WDR35: variants seen among roughly 807,000 people sequenced by gnomAD.
WDR35 encodes the protein WD repeat-containing protein 35.
In WDR35, 118 loss-of-function variants were observed where a neutral mutation model predicts 158.3. The observed-to-expected ratio is 0.75, with a 90% confidence interval of 0.64 to 0.87. The LOEUF (loss-of-function observed/expected upper bound fraction) is 0.87. Among genes scored for constraint, WDR35 ranks in the 40% least tolerant of loss-of-function variants. The pLI is 0.00. For missense variants in WDR35, 1,263 were observed against 1,405.8 expected (o/e 0.90, Z 1.62); for synonymous variants, 448 against 476.1 (o/e 0.94, Z 0.77).
intron 25 of WDR35, among the ~76,000 whole-genome samples, chr2:19,928,387 C>A (rs1034766635): frequency 1.3e-5 from 2 of 152,180 alleles, no homozygotes; most frequent in Non-Finnish European, 2.9e-5. Context: ...CTGTTCGGGG[C>A]TCTCAGCTCT....
At chr2:19,919,416 G>GA (rs1057503435) in intron 25 of WDR35, among the ~76,000 whole-genome samples, 35 of 136,496 alleles carry the variant, frequency 2.6e-4, no homozygotes, top group Non-Finnish European at 5.3e-4. Flanking sequence ...AAAAGAAAAA[G>GA]AAAAAAAAAG....
At chr2:19,970,668 T>A (rs1465377926) in intron 8 of WDR35, among the ~76,000 whole-genome samples, 1 of 152,216 alleles carries the variant, frequency 6.6e-6, no homozygotes, top group Non-Finnish European at 1.5e-5. Context: ...TGGCTTAATA[T>A]CCCACTATTT....
At chr2:19,935,820 C>T (rs958615775) in intron 20 of WDR35, among the ~76,000 whole-genome samples, 16 of 151,934 alleles carry the variant, frequency 1.1e-4, no homozygotes, top group African/African-American at 1.9e-4. Flanking sequence ...GAAATACCAC[C>T]GCTTTACTCC....
Position 19,952,346 on chromosome 2 carries a change from A to C in WDR35, c.1401-862T>G, listed in dbSNP as rs114557665. Among the ~76,000 whole-genome samples the C allele has an allele frequency of 4.4e-3, 668 of 152,360 alleles. 2 individuals carry two copies. The highest frequency in any genetic ancestry group is 7.8e-3 in the Non-Finnish European group (533 of 68,032). On this transcript the variant is annotated intron_variant, in intron 12 of 26. Coordinates refer to ENST00000281405, the MANE Select transcript of WDR35 (RefSeq NM_020779.4). ...GATTTATGAAAGTGTCTGGCACGTA[A>C]GAAGTACCCAATAAATGTTGGCTGT...
rs1009189216 is a variant in WDR35, at chr2:19,910,708, C to T, written c.*2850G>A. ...TGGTCAGTTTTGCTTTTCTTTGTCCCCCTAGTCAAGGGAGAGTTTGTTAGT... is the reference window on the plus strand; with the variant it reads ...TGGTCAGTTTTGCTTTTCTTTGTCCTCCTAGTCAAGGGAGAGTTTGTTAGT... On this transcript the variant is annotated 3_prime_UTR_variant, in exon 27 of 27. Coordinates refer to ENST00000281405, the MANE Select transcript of WDR35 (RefSeq NM_020779.4). The T allele has an allele frequency of 6.6e-6, 1 of 152,066 alleles. No individual in the cohort carries two copies. Among genetic ancestry groups the T allele is most frequent in the Non-Finnish European group, 1.5e-5 (1 of 68,038 alleles). 9.4% of individuals were successfully genotyped at this position (152,066 alleles called of 1,614,324 possible).
intron 25 of WDR35, among the ~76,000 whole-genome samples, chr2:19,915,578 T>A (rs1251629143): frequency 1.3e-5 from 2 of 152,082 alleles, no homozygotes; most frequent in African/African-American, 4.8e-5. Context: ...GTATAATTTA[T>A]GTCACATATT....
At chr2:19,918,567 A>G (rs991312935) in intron 25 of WDR35, among the ~76,000 whole-genome samples, 1 of 152,160 alleles carries the variant, frequency 6.6e-6, no homozygotes, top group Non-Finnish European at 1.5e-5. Flanking sequence ...ATGGAAAGCA[A>G]TAATAAGAAA....
rs79905074 is a variant in WDR35 at position 19,950,568 on chromosome 2, G to T, written c.1470+847C>A. Among the ~76,000 whole-genome samples, 792 of 152,246 alleles carry T rather than the reference G, an allele frequency of 5.2e-3. 13 individuals carry two copies. The highest frequency in any genetic ancestry group is 0.018 in the African/African-American group (765 of 41,536). ...TACAGGAGAAAAGCTGGTTGATGAT[G>T]AATCAATTTCCCAAAAGTTCCCTGT... On this transcript the variant is annotated intron_variant, in intron 13 of 26. Transcript: ENST00000281405.
chr2:19,927,519 G>T (rs933694074), intron 25 of WDR35, among the ~76,000 whole-genome samples: 1 of 152,192 alleles, frequency 6.6e-6, no homozygotes, highest in African/African-American at 2.4e-5. Flanking sequence ...GATATAATAA[G>T]AAGTACGGCA....
rs1409388340 is a variant in WDR35 at position 19,973,558 on chromosome 2, T to C, written c.882+5A>G. ...AAGAAAGAAGATCAATTTGAATGCA[T>C]TTACCTCACCAAACGGAGTGTAAAA... On this transcript the variant is annotated splice_donor_5th_base_variant and intron_variant, in intron 8 of 26. Transcript: ENST00000281405. 1 of 1,614,158 alleles carries C rather than the reference T, an allele frequency of 6.2e-7. No individual in the cohort carries two copies. The highest frequency in any genetic ancestry group is 1.1e-5 in the South Asian group (1 of 91,084).
At chr2:19,932,166 A>AGAGTG in intron 23 of WDR35, 117 bp downstream of exon 23, 1 of 1,314,338 alleles carries the variant, frequency 7.6e-7, no homozygotes, top group East Asian at 2.5e-5. Context: ...CAATAAAACC[A>AGAGTG]GAGTGGTTTT....
At chr2:19,929,267 AATC>A (rs1461239749) in intron 25 of WDR35, among the ~76,000 whole-genome samples, 3 of 152,242 alleles carry the variant, frequency 2.0e-5, no homozygotes, top group Admixed American at 1.3e-4. Context: ...TAAAAATAAA[AATC>A]ATCACTATAG....
chr2:19,951,263 G>A (rs929418577), intron 13 of WDR35, 152 bp downstream of exon 13: 2 of 694,324 alleles, frequency 2.9e-6, no homozygotes, highest in African/African-American at 1.8e-5. Context: ...TTAAGATCTA[G>A]GAAAAAGTTT....
intron 5 of WDR35, among the ~76,000 whole-genome samples, chr2:19,976,538 TAAAA>T (rs932745053): frequency 7.2e-5 from 11 of 151,814 alleles, no homozygotes; most frequent in Non-Finnish European, 1.6e-4. Flanking sequence ...AAATAATAAA[TAAAA>T]AAAGAAGAAA....
intron 16 of WDR35, among the ~76,000 whole-genome samples, chr2:19,943,629 C>T (rs938570264): frequency 1.3e-5 from 2 of 151,552 alleles, no homozygotes; most frequent in East Asian, 3.9e-4. Flanking sequence ...AGCAAATGTA[C>T]AAAAATGAGT....
At chr2:19,946,213 C>A (rs141666763) in intron 15 of WDR35, among the ~76,000 whole-genome samples, 2 of 152,092 alleles carry the variant, frequency 1.3e-5, no homozygotes, top group Non-Finnish European at 2.9e-5. Context: ...AGAGACAAAA[C>A]CAATTGGTAT....
intron 10 of WDR35, chr2:19,962,463 T>C (rs1167886488): frequency 2.0e-5 from 16 of 804,656 alleles, no homozygotes; most frequent in South Asian, 1.6e-4. Context: ...TAATCAAACG[T>C]AATGCACATT....
intron 14 of WDR35, among the ~76,000 whole-genome samples, chr2:19,947,943 G>A (rs1671109383): frequency 6.6e-6 from 1 of 151,836 alleles, no homozygotes; most frequent in African/African-American, 2.4e-5. Flanking sequence ...AACTTGGGGT[G>A]CCCATAAGAT....
At chr2:19,928,092 G>A (rs1670412750) in intron 25 of WDR35, among the ~76,000 whole-genome samples, 1 of 152,210 alleles carries the variant, frequency 6.6e-6, no homozygotes, top group Admixed American at 6.5e-5. Flanking sequence ...GGTTCATGAT[G>A]GCCATAACAC....
Sources: gnomAD v4.1 joint callset for allele counts (sites outside exome capture counted in the v4.1 genomes callset) on GRCh38, gnomAD v4.1.1 for gene constraint, MANE v1.5 for transcripts, NCBI Gene and HGNC (gene_info 2026-07-23, HGNC 2026-07-21) for gene names.